The following EPHB1 variants were observed in gnomAD, a reference collection of about 807,000 sequenced individuals.
The protein encoded by EPHB1 is ephrin type-B receptor 1.
In EPHB1, 30 loss-of-function variants were observed where a neutral mutation model predicts 94.4. That is an observed-to-expected ratio of 0.32 (90% CI 0.24 to 0.43). The LOEUF is 0.43. EPHB1 is among the 20% of genes least tolerant of loss of function. EPHB1 has a pLI of 1.00. For synonymous variants in EPHB1, 522 were observed against 489.1 expected (o/e 1.07, Z -0.89); for missense variants, 1,055 against 1,308.3 (o/e 0.81, Z 2.99).
chr3:135,110,485 G>A (rs761502415), intron 4 of EPHB1, among the ~76,000 whole-genome samples: 3 of 152,108 alleles, frequency 2.0e-5, no homozygotes, highest in Non-Finnish European at 2.9e-5. Flanking sequence ...TTTTGAGTTT[G>A]GCTCCTGACG....
chr3:135,138,481 T>G (rs1247843018), intron 5 of EPHB1, among the ~76,000 whole-genome samples: 1 of 152,368 alleles, frequency 6.6e-6, no homozygotes, highest in Middle Eastern at 3.4e-3. Context: ...TGCAATATAT[T>G]GAGCTCTTTG....
intron 1 of EPHB1, among the ~76,000 whole-genome samples, chr3:134,923,499 C>T (rs571958738): frequency 5.9e-5 from 9 of 152,282 alleles, no homozygotes; most frequent in East Asian, 1.9e-4. Context: ...GGCCCCCCTG[C>T]GGTTCCTGAG....
intron 2 of EPHB1, among the ~76,000 whole-genome samples, chr3:134,950,394 A>G (rs979386323): frequency 1.3e-5 from 2 of 152,178 alleles, no homozygotes; most frequent in Non-Finnish European, 2.9e-5. Context: ...CACTTTTACC[A>G]GTTTTATAGT....
chr3:135,202,363 T>G (rs1299662371), intron 12 of EPHB1, among the ~76,000 whole-genome samples: 1 of 152,208 alleles, frequency 6.6e-6, no homozygotes, highest in Non-Finnish European at 1.5e-5. Flanking sequence ...GAATGAAACC[T>G]AGGAATGATG....
At chr3:135,227,956 A>G (rs932569345) in intron 12 of EPHB1, among the ~76,000 whole-genome samples, 4 of 152,120 alleles carry the variant, frequency 2.6e-5, no homozygotes, top group Non-Finnish European at 5.9e-5. Flanking sequence ...CTTTATTCTT[A>G]GACTCTTCGT....
chr3:134,881,932 G>T (rs1042366796), intron 1 of EPHB1, among the ~76,000 whole-genome samples: 5 of 152,294 alleles, frequency 3.3e-5, no homozygotes, highest in African/African-American at 1.2e-4. Context: ...TTCACAGAGG[G>T]TTAATAAAGC....
intron 15 of EPHB1, among the ~76,000 whole-genome samples, chr3:135,255,368 C>T (rs1282776733): frequency 6.7e-6 from 1 of 148,798 alleles, no homozygotes; most frequent in East Asian, 2.0e-4. Flanking sequence ...CTATAAATTT[C>T]CCTCTACACA....
intron 1 of EPHB1, among the ~76,000 whole-genome samples, chr3:134,882,015 G>C (rs1165945517): frequency 2.0e-5 from 3 of 152,178 alleles, no homozygotes; most frequent in Non-Finnish European, 4.4e-5. Context: ...TATTATTTGG[G>C]ATGCATCCAA....
At chr3:134,855,235 G>A (rs2037086236) in intron 1 of EPHB1, among the ~76,000 whole-genome samples, 2 of 152,152 alleles carry the variant, frequency 1.3e-5, no homozygotes, top group East Asian at 1.9e-4. Flanking sequence ...TAAGATTTAA[G>A]ACAGAGACTT....
chr3:135,112,393 TA>T (rs1324902806), intron 4 of EPHB1, among the ~76,000 whole-genome samples: 2 of 152,206 alleles, frequency 1.3e-5, no homozygotes, highest in Non-Finnish European at 1.5e-5. Flanking sequence ...GATTTTTTTT[TA>T]ATTTTATTAT....
At chr3:135,034,559 C>G (rs1230892439) in intron 3 of EPHB1, among the ~76,000 whole-genome samples, 1 of 152,248 alleles carries the variant, frequency 6.6e-6, no homozygotes, top group Non-Finnish European at 1.5e-5. Context: ...AAAACCCATG[C>G]AGGAAACTGG....
chr3:134,799,853 T>A (rs2035902934), intron 1 of EPHB1, among the ~76,000 whole-genome samples: 1 of 152,110 alleles, frequency 6.6e-6, no homozygotes, highest in Non-Finnish European at 1.5e-5. Flanking sequence ...ATTTTACCCA[T>A]CGAGAAGTAA....
chr3:134,799,632 T>A (rs745486726), intron 1 of EPHB1, among the ~76,000 whole-genome samples: 4 of 152,184 alleles, frequency 2.6e-5, no homozygotes. Flanking sequence ...AGAAGAGAGC[T>A]GCCAGCAGCT....
intron 4 of EPHB1, among the ~76,000 whole-genome samples, chr3:135,112,029 G>A (rs549337236): frequency 3.3e-5 from 5 of 152,350 alleles, no homozygotes; most frequent in South Asian, 4.1e-4. Context: ...AAAGGACATC[G>A]TTAGCTGGGG....
rs2107687318 is a variant in EPHB1 at position 135,132,845 on chromosome 3, G to C, written c.1093G>C (p.Ala365Pro). ...TYNIICKKCR[A>P]DRRSCSRCDD... ...CAACATCATCTGCAAAAAGTGCCGG[G>C]CAGACCGCCGGAGCTGCTCCCGCTG... Residue 365 changes from alanine (A) to proline (P), a missense_variant, in exon 5 of 16, where the codon GCA becomes CCA. Ala to Pro is a conservative substitution (Grantham distance 27). Transcript: ENST00000398015. The C allele has an allele frequency of 6.2e-7, 1 of 1,614,046 alleles. No individual in the cohort carries two copies. Among genetic ancestry groups the C allele is most frequent in the Admixed American group, 1.7e-5 (1 of 60,032 alleles).
chr3:135,213,582 A>G (rs899608242), intron 12 of EPHB1, among the ~76,000 whole-genome samples: 2 of 152,170 alleles, frequency 1.3e-5, no homozygotes, highest in African/African-American at 4.8e-5. Context: ...TGATTAACTT[A>G]TTGCATTTGG....
At chr3:135,191,321 A>G (rs920413698) in intron 10 of EPHB1, among the ~76,000 whole-genome samples, 5 of 152,190 alleles carry the variant, frequency 3.3e-5, no homozygotes, top group African/African-American at 1.2e-4. Flanking sequence ...AGTTTTGCAT[A>G]ACAGTCCTTT....
chr3:134,795,408 CA>C lies in EPHB1; in HGVS notation c.-223del. 1 of 426,864 alleles carries C rather than the reference CA, an allele frequency of 2.3e-6. No individual in the cohort carries two copies. The allele number at this position is 426,864 out of a possible 1,614,324, so 26.4% of individuals were successfully genotyped here. A position where few individuals can be genotyped will look rare whatever the true frequency, so the allele number is the denominator to read the frequency against. Reference sequence around the variant, plus strand: ...CGCACACACCCACCTCTCCCATAAACACACACACACACATGCACACCCACAC... The same window carrying C: ...CGCACACACCCACCTCTCCCATAAACCACACACACACATGCACACCCACAC... On this transcript the variant is annotated 5_prime_UTR_variant, in exon 1 of 16. Coordinates refer to ENST00000398015, the MANE Select transcript of EPHB1 (RefSeq NM_004441.5).
chr3:135,000,547 A>G (rs1935139438), intron 3 of EPHB1, among the ~76,000 whole-genome samples: 3 of 152,204 alleles, frequency 2.0e-5, no homozygotes, highest in Non-Finnish European at 4.4e-5. Flanking sequence ...ACCTTTTCAA[A>G]CAAATAATTA....
Sources: gnomAD v4.1 joint callset for allele counts (sites outside exome capture counted in the v4.1 genomes callset) on GRCh38, gnomAD v4.1.1 for gene constraint, MANE v1.5 for transcripts, NCBI Gene and HGNC (gene_info 2026-07-23, HGNC 2026-07-21) for gene names.